NSMCE2: variants seen among roughly 807,000 people sequenced by gnomAD.
The protein encoded by NSMCE2 is NSE2 SUMO ligase component of SMC5/6 complex, also known as E3 SUMO-protein ligase NSE2.
A neutral mutation model predicts 23.8 loss-of-function variants in NSMCE2; 24 were observed. That is an observed-to-expected ratio of 1.01 (90% CI 0.73 to 1.42). The LOEUF (loss-of-function observed/expected upper bound fraction) is 1.42, where lower values mean the gene tolerates loss of function less well. Ranked by LOEUF, NSMCE2 falls within the 40% of genes most tolerant of loss-of-function variation. NSMCE2 has a pLI of 0.00. For synonymous variants in NSMCE2, 92 were observed against 94.1 expected, an observed-to-expected ratio of 0.98 and a Z score of 0.13; for missense variants, 284 against 296.5, an observed-to-expected ratio of 0.96 and a Z score of 0.31.
At chr8:125,324,216 G>C (rs1829556745) in intron 5 of NSMCE2, among the ~76,000 whole-genome samples, 1 of 152,118 alleles carries the variant, frequency 6.6e-6, no homozygotes, top group Non-Finnish European at 1.5e-5. Flanking sequence ...GGCAGAATCT[G>C]AGTCTCTTCA....
intron 5 of NSMCE2, among the ~76,000 whole-genome samples, chr8:125,340,016 T>G (rs1053965099): frequency 4.4e-5 from 6 of 136,378 alleles, no homozygotes; most frequent in African/African-American, 8.2e-5. Flanking sequence ...TTTTTTGTTT[T>G]TTTTTTTTTT....
At chr8:125,171,970 T>C (rs967527331) in intron 4 of NSMCE2, among the ~76,000 whole-genome samples, 3 of 152,240 alleles carry the variant, frequency 2.0e-5, no homozygotes, top group Non-Finnish European at 4.4e-5. Context: ...TTAATTTTAA[T>C]TAATTTAGAT....
At chr8:125,359,252 T>G (rs1586818864) in intron 7 of NSMCE2, among the ~76,000 whole-genome samples, 1 of 136,102 alleles carries the variant, frequency 7.3e-6, no homozygotes. Flanking sequence ...GGTCACAGAG[T>G]GATACTCTGT....
At chr8:125,199,593 C>T (rs1000616840) in intron 5 of NSMCE2, among the ~76,000 whole-genome samples, 3 of 152,016 alleles carry the variant, frequency 2.0e-5, no homozygotes, top group African/African-American at 7.3e-5. Context: ...GCTTTGCTTC[C>T]AATTATGTGG....
intron 3 of NSMCE2, among the ~76,000 whole-genome samples, chr8:125,122,458 C>T (rs1819315374): frequency 6.6e-6 from 1 of 152,132 alleles, no homozygotes; most frequent in Non-Finnish European, 1.5e-5. Context: ...GGCTATATCC[C>T]CTTATACTCT....
intron 4 of NSMCE2, among the ~76,000 whole-genome samples, chr8:125,159,847 A>T (rs1821512091): frequency 6.6e-6 from 1 of 151,776 alleles, no homozygotes; most frequent in South Asian, 2.1e-4. Flanking sequence ...GTAGTCCCAG[A>T]TACTTGGGAG....
At position 125,132,288 on chromosome 8, in the gene NSMCE2, G is replaced by C. The variant is rs572893684; in HGVS notation, c.158-18883G>C. On this transcript the variant is annotated intron_variant, in intron 3 of 7. Transcript: ENST00000287437. ...AATTTTTCAAAAAATGTTTTGTACA[G>C]ACAGGGTCTCACTATGTTGGCCAGG... Among the ~76,000 whole-genome samples, 99 of 152,242 alleles carry C rather than the reference G, an allele frequency of 6.5e-4. 1 individual carries two copies. Among genetic ancestry groups the C allele is most frequent in the Non-Finnish European group, 1.2e-3 (82 of 68,022 alleles).
intron 5 of NSMCE2, among the ~76,000 whole-genome samples, chr8:125,314,159 A>T (rs561003941): frequency 1.4e-4 from 21 of 152,328 alleles, no homozygotes; most frequent in African/African-American, 4.3e-4. Flanking sequence ...GCTTAAGTGG[A>T]TATCTAAGCA....
intron 3 of NSMCE2, among the ~76,000 whole-genome samples, chr8:125,110,697 C>T (rs1424232968): frequency 6.7e-6 from 1 of 149,798 alleles, no homozygotes; most frequent in Non-Finnish European, 1.5e-5. Context: ...ATTGTGCCAG[C>T]GTCATGGCCT....
intron 5 of NSMCE2, among the ~76,000 whole-genome samples, chr8:125,253,092 T>C (rs1263290592): frequency 6.6e-6 from 1 of 152,238 alleles, no homozygotes; most frequent in Non-Finnish European, 1.5e-5. Context: ...TGATTTCCGA[T>C]TGGAAAGAAA....
chr8:125,250,342 A>T (rs1462549234), intron 5 of NSMCE2, among the ~76,000 whole-genome samples: 1 of 151,154 alleles, frequency 6.6e-6, no homozygotes, highest in Non-Finnish European at 1.5e-5. Context: ...TTAAAAAAAA[A>T]GCATCCTTTC....
At chr8:125,110,886 G>A (rs989201181) in intron 3 of NSMCE2, among the ~76,000 whole-genome samples, 6 of 151,486 alleles carry the variant, frequency 4.0e-5, no homozygotes, top group African/African-American at 1.5e-4. Flanking sequence ...GTCATGGGGG[G>A]AAGGAGCTGG....
chr8:125,282,314 A>G (rs1453918775), intron 5 of NSMCE2, among the ~76,000 whole-genome samples: 1 of 152,116 alleles, frequency 6.6e-6, no homozygotes, highest in Non-Finnish European at 1.5e-5. Flanking sequence ...GGGTTTCACC[A>G]TGTTGGCCAG....
At position 125,302,991 on chromosome 8, in the gene NSMCE2, A is replaced by G. The variant is rs750921901; in HGVS notation, c.419-54228A>G. ...CACGGAGCAGGGTAACGCAGTGTCC[A>G]TGCTGCAGCTCCACACTCCCCGCAT... On this transcript the variant is annotated intron_variant, in intron 5 of 7. Coordinates refer to ENST00000287437, the MANE Select transcript of NSMCE2 (RefSeq NM_173685.4). Among the ~76,000 whole-genome samples the G allele has an allele frequency of 3.9e-5, 6 of 152,290 alleles. No individual in the cohort carries two copies. The East Asian group carries it at 5.8e-4, about 15-fold the overall frequency.
chr8:125,273,917 T>C (rs771413063), intron 5 of NSMCE2, among the ~76,000 whole-genome samples: 30 of 152,258 alleles, frequency 2.0e-4, no homozygotes, highest in Admixed American at 1.2e-3. Flanking sequence ...TGCTGGGACC[T>C]GGAGCTAGCA....
intron 5 of NSMCE2, among the ~76,000 whole-genome samples, chr8:125,227,804 T>C (rs552961178): frequency 1.4e-4 from 21 of 152,326 alleles, no homozygotes; most frequent in African/African-American, 4.8e-4. Flanking sequence ...AATAACATTT[T>C]GTGGTTTCTT....
At chr8:125,197,330 G>A (rs1381977205) in intron 5 of NSMCE2, among the ~76,000 whole-genome samples, 1 of 152,098 alleles carries the variant, frequency 6.6e-6, no homozygotes, top group Non-Finnish European at 1.5e-5. Context: ...TATGGTTTTA[G>A]GTCTAACATT....
chr8:125,336,491 A>AT (rs1418397008), intron 5 of NSMCE2, among the ~76,000 whole-genome samples: 3 of 152,108 alleles, frequency 2.0e-5, no homozygotes, highest in African/African-American at 7.2e-5. Context: ...GGGAAGGAGG[A>AT]TTGGTTATAT....
chr8:125,168,504 G>A (rs947978138), intron 4 of NSMCE2, among the ~76,000 whole-genome samples: 1 of 152,202 alleles, frequency 6.6e-6, no homozygotes, highest in African/African-American at 2.4e-5. Context: ...TGGAGTCTGG[G>A]AAATCTATGA....
Sources: allele counts gnomAD v4.1 joint callset (sites outside exome capture counted in the v4.1 genomes callset), GRCh38; gene constraint gnomAD v4.1.1; transcripts MANE v1.5; gene names NCBI Gene and HGNC (gene_info 2026-07-23, HGNC 2026-07-21).